Variants in CADM1 observed in about 807,000 individuals in gnomAD.
The protein encoded by CADM1 is cell adhesion molecule 1, also known as TSLC-1.
In CADM1, 15 loss-of-function variants were observed where a neutral mutation model predicts 53.1. That is an observed-to-expected ratio of 0.28 (90% CI 0.19 to 0.44). CADM1 has a LOEUF of 0.44. Among genes scored for constraint, CADM1 ranks in the 20% least tolerant of loss-of-function variants. The probability of loss-of-function intolerance (pLI) is 1.00; values close to 1 mark genes in which losing one functional copy is unlikely to be tolerated. For synonymous variants in CADM1, 281 were observed against 243.0 expected (o/e 1.16, Z -1.45); for missense variants, 434 against 611.3 (o/e 0.71, Z 3.06).
intron 1 of CADM1, among the ~76,000 whole-genome samples, chr11:115,349,829 CAT>C (rs1243099761): frequency 3.9e-5 from 6 of 152,138 alleles, no homozygotes; most frequent in Non-Finnish European, 2.9e-5. Context: ...ATTAATGACT[CAT>C]ATTTTGTTCA....
At position 115,175,193 on chromosome 11, in the gene CADM1, C is replaced by T. The variant is rs535774069; in HGVS notation, c.*1281G>A. 4.1e-5 allele frequency: 40 copies of T among 985,756 alleles called. No individual in the cohort carries two copies. In the South Asian group the frequency reaches 4.7e-4, roughly 12 times the overall value. 61.1% of individuals were successfully genotyped at this position (985,756 alleles called of 1,614,324 possible). A position where few individuals can be genotyped will look rare whatever the true frequency, so the allele number is the denominator to read the frequency against. On this transcript the variant is annotated 3_prime_UTR_variant, in exon 12 of 12. Transcript: ENST00000331581. ...GCTCTGACCTATCGAGAACTGAGAG[C>T]GACAGCAGACCAGTGTGAGAACAAT...
At chr11:115,494,245 T>A (rs1036289918) in intron 1 of CADM1, among the ~76,000 whole-genome samples, 1 of 152,102 alleles carries the variant, frequency 6.6e-6, no homozygotes, top group African/African-American at 2.4e-5. Context: ...GGTTTTGAAA[T>A]TTTTTGAAAT....
chr11:115,430,407 T>C (rs1032001746), intron 1 of CADM1, among the ~76,000 whole-genome samples: 3 of 152,218 alleles, frequency 2.0e-5, no homozygotes, highest in South Asian at 4.1e-4. Flanking sequence ...CAAAAATAAA[T>C]TCCATCAACA....
At chr11:115,400,911 A>C (rs572673594) in intron 1 of CADM1, among the ~76,000 whole-genome samples, 2 of 151,746 alleles carry the variant, frequency 1.3e-5, no homozygotes, top group African/African-American at 4.8e-5. Flanking sequence ...GCAAAATAGT[A>C]CAGCCACTTT....
Position 115,281,051 on chromosome 11 carries a change from T to TA in CADM1, c.125-40632dup, listed in dbSNP as rs1295727583. On this transcript the variant is annotated intron_variant, in intron 1 of 11. Transcript: ENST00000331581. ...TCTGGCCTTGACCTAATGTTAGCTA[T>TA]AAATGGATTGAACTCCCGGTAGATT... Among the ~76,000 whole-genome samples the TA allele has an allele frequency of 5.3e-5, 8 of 152,350 alleles. No homozygotes were observed. In the South Asian group the frequency reaches 1.0e-3, roughly 20 times the overall value.
chr11:115,225,145 C>A (rs1319006907), intron 5 of CADM1, among the ~76,000 whole-genome samples: 1 of 152,158 alleles, frequency 6.6e-6, no homozygotes, highest in Non-Finnish European at 1.5e-5. Context: ...AAGAGACCTA[C>A]TGTATGTTCT....
At chr11:115,469,684 T>TC (rs1196414197) in intron 1 of CADM1, among the ~76,000 whole-genome samples, 3 of 148,712 alleles carry the variant, frequency 2.0e-5, no homozygotes, top group Admixed American at 1.3e-4. Flanking sequence ...TTTTTTTTTT[T>TC]TTTTCGAGAC....
At chr11:115,309,311 T>C (rs1027060850) in intron 1 of CADM1, among the ~76,000 whole-genome samples, 2 of 152,116 alleles carry the variant, frequency 1.3e-5, no homozygotes, top group African/African-American at 2.4e-5. Flanking sequence ...AAAAGAAAGA[T>C]TGTCAATGCA....
intron 1 of CADM1, among the ~76,000 whole-genome samples, chr11:115,315,623 C>T (rs1163194230): frequency 1.3e-5 from 2 of 150,766 alleles, no homozygotes; most frequent in Admixed American, 6.6e-5. Flanking sequence ...GTGCCTGTAT[C>T]GTTGCCTTGG....
Position 115,209,658 on chromosome 11 carries a change from C to A in CADM1, c.995-1G>T, listed in dbSNP as rs2134735026. The A allele has an allele frequency of 6.2e-7, 1 of 1,610,686 alleles. No individual in the cohort carries two copies. Among genetic ancestry groups the A allele is most frequent in the Non-Finnish European group, 8.5e-7 (1 of 1,179,046 alleles). ...GGAGGAGGGATAGTTGTGGGGGGAT[C>A]TGGATAGAAAAAAAAAGGAAAATCA... On this transcript the variant is annotated splice_acceptor_variant, in intron 7 of 11. Coordinates refer to ENST00000331581, the MANE Select transcript of CADM1 (RefSeq NM_001301043.2). LOFTEE classifies it high-confidence loss of function.
At chr11:115,200,085 T>A (rs930676317) in intron 8 of CADM1, among the ~76,000 whole-genome samples, 7 of 152,192 alleles carry the variant, frequency 4.6e-5, no homozygotes, top group African/African-American at 1.7e-4. Flanking sequence ...GGAGCCAGAA[T>A]TAACCAGAAG....
intron 1 of CADM1, among the ~76,000 whole-genome samples, chr11:115,414,904 G>T (rs1042205720): frequency 6.6e-6 from 1 of 152,160 alleles, no homozygotes; most frequent in African/African-American, 2.4e-5. Flanking sequence ...TCTATTTACT[G>T]TGAAATTCCG....
At chr11:115,334,321 A>G (rs1185920429) in intron 1 of CADM1, among the ~76,000 whole-genome samples, 1 of 152,116 alleles carries the variant, frequency 6.6e-6, no homozygotes, top group East Asian at 1.9e-4. Context: ...TTATCAGCCA[A>G]GTTTCTGGTA....
rs1938724379 is a variant in CADM1, at chr11:115,169,592, C to G, written c.*6882G>C. Reference sequence around the variant, plus strand: ...TGCAACACTATAGCTGCCCTCATCACTTTATTCTGGGAGAGGAGGTTAGAG... The same window carrying G: ...TGCAACACTATAGCTGCCCTCATCAGTTTATTCTGGGAGAGGAGGTTAGAG... On this transcript the variant is annotated 3_prime_UTR_variant, in exon 12 of 12. Transcript: ENST00000331581. 1 of 456,584 alleles carries G rather than the reference C, an allele frequency of 2.2e-6. No homozygotes were observed. The highest frequency in any genetic ancestry group is 4.4e-6 in the Non-Finnish European group (1 of 226,946). 28.3% of individuals were successfully genotyped at this position (456,584 alleles called of 1,614,324 possible).
chr11:115,394,256 T>C (rs1193538939), intron 1 of CADM1, among the ~76,000 whole-genome samples: 2 of 152,200 alleles, frequency 1.3e-5, no homozygotes, highest in Non-Finnish European at 2.9e-5. Context: ...GAGCTATCCA[T>C]AGATGCAGTA....
At position 115,175,283 on chromosome 11, in the gene CADM1, C is replaced by A; in HGVS notation, c.*1191G>T. On this transcript the variant is annotated 3_prime_UTR_variant, in exon 12 of 12. Coordinates refer to ENST00000331581, the MANE Select transcript of CADM1 (RefSeq NM_001301043.2). ...AATCTGAAGGAATGAAAGTTTCACA[C>A]AGATTCGAGTTGGAAATCCCAGCAT... The A allele has an allele frequency of 4.1e-5, 40 of 984,566 alleles. No individual in the cohort carries two copies. The highest frequency in any genetic ancestry group is 4.6e-5 in the Non-Finnish European group (38 of 829,754). 61.0% of individuals were successfully genotyped at this position (984,566 alleles called of 1,614,324 possible).
chr11:115,310,431 T>C (rs1944501339), intron 1 of CADM1, among the ~76,000 whole-genome samples: 1 of 152,154 alleles, frequency 6.6e-6, no homozygotes, highest in African/African-American at 2.4e-5. Flanking sequence ...AGCCTACTTG[T>C]ATCTAGCAGC....
intron 1 of CADM1, among the ~76,000 whole-genome samples, chr11:115,268,917 C>A (rs1031330908): frequency 3.9e-5 from 6 of 152,024 alleles, no homozygotes; most frequent in Admixed American, 3.9e-4. Context: ...CTTTTCAGTT[C>A]GACACACAGG....
At chr11:115,379,558 G>C (rs1946523517) in intron 1 of CADM1, among the ~76,000 whole-genome samples, 1 of 152,192 alleles carries the variant, frequency 6.6e-6, no homozygotes. Context: ...GACTGACAAA[G>C]TACTGCACTA....
Sources: allele counts gnomAD v4.1 joint callset (sites outside exome capture counted in the v4.1 genomes callset), GRCh38; gene constraint gnomAD v4.1.1; transcripts MANE v1.5; gene names NCBI Gene and HGNC (gene_info 2026-07-23, HGNC 2026-07-21).